Variants in TMEM74 observed in about 807,000 individuals in gnomAD.
TMEM74 encodes transmembrane protein 74.
A neutral mutation model predicts 18.1 loss-of-function variants in TMEM74; 13 were observed. That is an observed-to-expected ratio of 0.72 (90% CI 0.47 to 1.14). TMEM74 has a LOEUF of 1.14. Among genes scored for constraint, TMEM74 ranks in the 50% most tolerant of loss-of-function variants. TMEM74 has a pLI of 0.00. For synonymous variants in TMEM74, 159 were observed against 146.6 expected (o/e 1.08, Z -0.61); for missense variants, 372 against 375.9 (o/e 0.99, Z 0.09).
At chr8:108,775,664 C>G (rs1376414454), downstream of TMEM74, among the ~76,000 whole-genome samples, 1 of 152,210 alleles carries the variant, frequency 6.6e-6, no homozygotes, top group African/African-American at 2.4e-5. Context: ...CATAAGGCAG[C>G]ATCACTACTG....
chr8:108,670,466 C>T (rs1468584260), intron 1 of TMEM74, among the ~76,000 whole-genome samples: 1 of 152,078 alleles, frequency 6.6e-6, no homozygotes, highest in African/African-American at 2.4e-5. Flanking sequence ...ACTGAGTCTC[C>T]CATATACTGC....
In TMEM74 at chr8:108,720,505, AT is replaced by A. The variant is rs377392954; in HGVS notation, n.120-65069del. Among the ~76,000 whole-genome samples, 38 of 152,324 alleles carry A rather than the reference AT, an allele frequency of 2.5e-4. 1 individual carries two copies. The East Asian group carries it at 6.8e-3, about 27-fold the overall frequency. ...CAGTATAACTTCTTATGCTTTATGA[AT>A]AATTGATCTAATAGTCCCCATAGCC... On this transcript the variant is annotated intron_variant and non_coding_transcript_variant, in intron 1 of 3. Coordinates refer to the TMEM74 transcript ENST00000518838.
At chr8:108,740,141 G>A (rs1336994784) in intron 1 of TMEM74, among the ~76,000 whole-genome samples, 1 of 152,106 alleles carries the variant, frequency 6.6e-6, no homozygotes, top group Non-Finnish European at 1.5e-5. Flanking sequence ...CAAACAGCCA[G>A]CAAGTCTAGA....
intron 1 of TMEM74, among the ~76,000 whole-genome samples, chr8:108,684,172 C>G (rs112932885): frequency 6.6e-6 from 1 of 152,020 alleles, no homozygotes; most frequent in Non-Finnish European, 1.5e-5. Flanking sequence ...TCTTGAGGAA[C>G]CTTCATACTG....
chr8:108,715,540 T>A (rs1813514882), intron 1 of TMEM74, among the ~76,000 whole-genome samples: 1 of 152,148 alleles, frequency 6.6e-6, no homozygotes, highest in Admixed American at 6.6e-5. Context: ...TACAATCATT[T>A]TATAGTCAGA....
intron 2 of TMEM74, among the ~76,000 whole-genome samples, chr8:108,633,574 G>C (rs1403474685): frequency 2.0e-5 from 3 of 151,972 alleles, no homozygotes; most frequent in Non-Finnish European, 4.4e-5. Context: ...TGAGATATTG[G>C]ATAAGGTTCT....
At chr8:108,777,530 T>G (rs1421923866), downstream of TMEM74, among the ~76,000 whole-genome samples, 5 of 152,194 alleles carry the variant, frequency 3.3e-5, no homozygotes, top group African/African-American at 4.8e-5. Flanking sequence ...GTGATATGAT[T>G]TCTTTATAGG....
At chr8:108,785,158 AG>A (rs1387572618) in intron 1 of TMEM74, 21 bp from the exon 2 acceptor site, 1 of 1,510,978 alleles carries the variant, frequency 6.6e-7, no homozygotes, top group African/African-American at 1.4e-5. Context: ...CAACAGAGTT[AG>A]ATAAGAACCC....
chr8:108,712,256 T>C (rs1813482196), intron 1 of TMEM74, among the ~76,000 whole-genome samples: 1 of 152,194 alleles, frequency 6.6e-6, no homozygotes, highest in Non-Finnish European at 1.5e-5. Flanking sequence ...GCCAACTCTT[T>C]AGGGATACGC....
chr8:108,767,391 G>A (rs940163392), intron 1 of TMEM74, among the ~76,000 whole-genome samples: 3 of 151,950 alleles, frequency 2.0e-5, no homozygotes, highest in African/African-American at 7.3e-5. Flanking sequence ...CTTGAGCCGT[G>A]GTATCTTAGT....
Position 108,780,523 on chromosome 8 carries a change from G to T in TMEM74, c.*3658C>A, listed in dbSNP as rs757115640. Among the ~76,000 whole-genome samples, 20 of 152,164 alleles carry T rather than the reference G, an allele frequency of 1.3e-4. No homozygotes were observed. The highest frequency in any genetic ancestry group is 2.4e-4 in the Non-Finnish European group (16 of 68,022). On this transcript the variant is annotated 3_prime_UTR_variant, in exon 2 of 2. Coordinates refer to ENST00000297459, the MANE Select transcript of TMEM74 (RefSeq NM_153015.3). ...CACCCCTTATACTGGGGGGACTGAG[G>T]TAAAGGCACACATAAGTTTGGCAGC... is the stretch of plus-strand genomic sequence containing the variant.
chr8:108,738,814 A>AG (rs1813772146), intron 1 of TMEM74, among the ~76,000 whole-genome samples: 1 of 152,236 alleles, frequency 6.6e-6, no homozygotes, highest in Admixed American at 6.5e-5. Context: ...CAGGACTGGC[A>AG]GGGCAACTCC....
At chr8:108,725,653 G>T (rs961475289) in intron 1 of TMEM74, among the ~76,000 whole-genome samples, 1 of 152,128 alleles carries the variant, frequency 6.6e-6, no homozygotes. Flanking sequence ...GAGATGTAGA[G>T]AATATAGGAA....
At chr8:108,682,162 A>G (rs1813121704) in intron 1 of TMEM74, among the ~76,000 whole-genome samples, 2 of 152,114 alleles carry the variant, frequency 1.3e-5, no homozygotes, top group Admixed American at 1.3e-4. Flanking sequence ...TGGCCTATAT[A>G]TCAGCCATAT....
chr8:108,756,791 G>A (rs1294067762), intron 1 of TMEM74, among the ~76,000 whole-genome samples: 2 of 95,776 alleles, frequency 2.1e-5, no homozygotes, highest in Non-Finnish European at 2.0e-5. Context: ...AGGAGGGGAG[G>A]GAAGGGGAGG....
intron 1 of TMEM74, among the ~76,000 whole-genome samples, chr8:108,761,159 A>G (rs1333451450): frequency 1.3e-5 from 2 of 152,108 alleles, no homozygotes; most frequent in African/African-American, 2.4e-5. Context: ...ACTAAATATT[A>G]GACTCTGGGG....
chr8:108,760,048 C>T (rs539827378), intron 1 of TMEM74, among the ~76,000 whole-genome samples: 1 of 151,946 alleles, frequency 6.6e-6, no homozygotes, highest in Non-Finnish European at 1.5e-5. Flanking sequence ...TGGCACATGC[C>T]TGTAGTTGTA....
intron 2 of TMEM74, among the ~76,000 whole-genome samples, chr8:108,625,513 C>G (rs961097953): frequency 6.6e-6 from 1 of 151,872 alleles, no homozygotes; most frequent in African/African-American, 2.4e-5. Flanking sequence ...TATCTTGGAC[C>G]GTTCTAGATT....
chr8:108,679,204 A>G lies in TMEM74; in HGVS notation n.120-23767T>C, dbSNP rs149623913. Among the ~76,000 whole-genome samples, 1,076 of 152,180 alleles carry G rather than the reference A, an allele frequency of 7.1e-3. 11 individuals carry two copies. The highest frequency in any genetic ancestry group is 0.011 in the Non-Finnish European group (752 of 67,998). On this transcript the variant is annotated intron_variant and non_coding_transcript_variant, in intron 1 of 3. Coordinates refer to the TMEM74 transcript ENST00000518838. ...GCTATTGTGAATAGTGCTGCAATAA[A>G]CCTACATGTGCATCTGTCTTTACAG...
Sources: gnomAD v4.1 joint callset for allele counts (sites outside exome capture counted in the v4.1 genomes callset) on GRCh38, gnomAD v4.1.1 for gene constraint, MANE v1.5 for transcripts, NCBI Gene and HGNC (gene_info 2026-07-23, HGNC 2026-07-21) for gene names.